RCAN2: variants seen among roughly 807,000 people sequenced by gnomAD.
RCAN2 encodes calcipressin-2.
In RCAN2, 9 loss-of-function variants were observed where a neutral mutation model predicts 23.6. That is an observed-to-expected ratio of 0.38 (90% CI 0.23 to 0.67). RCAN2 has a LOEUF of 0.67. Ranked by LOEUF, RCAN2 falls within the 30% of genes least tolerant of loss-of-function variation. RCAN2 has a pLI of 0.51. For synonymous variants in RCAN2, 109 were observed against 115.7 expected (o/e 0.94, Z 0.37); for missense variants, 273 against 302.3 (o/e 0.90, Z 0.72).
chr6:46,443,713 G>T lies in RCAN2; in HGVS notation c.225+13039C>A, dbSNP rs181100523. Among the ~76,000 whole-genome samples the T allele has an allele frequency of 1.4e-4, 21 of 152,230 alleles. No homozygotes were observed. In the East Asian group the frequency reaches 3.7e-3, roughly 27 times the overall value. Reference sequence around the variant, plus strand: ...ATGAACGTCAAATCTTAACTACAAGGGTGATTTGGATTCAGTGCATTTACA... The same window carrying T: ...ATGAACGTCAAATCTTAACTACAAGTGTGATTTGGATTCAGTGCATTTACA... On this transcript the variant is annotated intron_variant, in intron 2 of 4. Transcript: ENST00000371374.
At chr6:46,456,310 T>A (rs924468184) in intron 2 of RCAN2, among the ~76,000 whole-genome samples, 1 of 152,108 alleles carries the variant, frequency 6.6e-6, no homozygotes, top group Non-Finnish European at 1.5e-5. Flanking sequence ...TGGCTCACAG[T>A]TTAAGAAGGC....
In RCAN2 at chr6:46,360,854, A is replaced by G. The variant is rs62402366; in HGVS notation, c.225+95898T>C. ...TTGTTGATAATGGAGAGAAGGGTGA[A>G]CTCTTAAATGCAGTTCTAATGTATG... On this transcript the variant is annotated intron_variant, in intron 2 of 4. Transcript: ENST00000371374. 5.8e-3 allele frequency among the ~76,000 whole-genome samples: 880 copies of G among 152,216 alleles called. 4 individuals carry two copies. Among genetic ancestry groups the G allele is most frequent in the Non-Finnish European group, 0.01 (685 of 68,014 alleles).
intron 1 of RCAN2, among the ~76,000 whole-genome samples, chr6:46,477,815 C>G (rs1768756329): frequency 6.6e-6 from 1 of 152,112 alleles, no homozygotes; most frequent in South Asian, 2.1e-4. Flanking sequence ...CCCTGGCAGA[C>G]AGTATAATTA....
At chr6:46,244,579 G>T (rs1766444864) in intron 4 of RCAN2, among the ~76,000 whole-genome samples, 1 of 152,252 alleles carries the variant, frequency 6.6e-6, no homozygotes, top group East Asian at 1.9e-4. Flanking sequence ...TTTACTGGAT[G>T]ATCAGCTCCA....
chr6:46,490,778 A>C (rs60932290), intron 1 of RCAN2, among the ~76,000 whole-genome samples: 122,053 of 151,414 alleles, frequency 0.81, 49,273 homozygotes, highest in South Asian at 0.91. Flanking sequence ...TCTCTTCTAG[A>C]CCCTCTCTAA....
intron 2 of RCAN2, among the ~76,000 whole-genome samples, chr6:46,358,497 GA>G (rs1470015218): frequency 2.6e-5 from 4 of 152,116 alleles, no homozygotes; most frequent in Non-Finnish European, 5.9e-5. Flanking sequence ...GGAGGAGGGG[GA>G]ACATCAGCAG....
intron 1 of RCAN2, among the ~76,000 whole-genome samples, chr6:46,463,062 T>C (rs1248091463): frequency 6.6e-6 from 1 of 152,132 alleles, no homozygotes; most frequent in East Asian, 1.9e-4. Flanking sequence ...GTAAAATCAG[T>C]CAGTAGCGTG....
intron 1 of RCAN2, among the ~76,000 whole-genome samples, chr6:46,462,627 AT>A (rs11347980): frequency 0.061 from 9,228 of 152,264 alleles, 426 homozygotes; most frequent in African/African-American, 0.12. Flanking sequence ...AAGTGAAAAA[AT>A]TTCTTTTCCC....
intron 4 of RCAN2, among the ~76,000 whole-genome samples, chr6:46,223,580 C>A (rs980950162): frequency 6.6e-6 from 1 of 152,228 alleles, no homozygotes; most frequent in African/African-American, 2.4e-5. Flanking sequence ...TACTTCCACT[C>A]TGTAGGATGG....
chr6:46,387,653 T>C (rs1765796644), intron 2 of RCAN2, among the ~76,000 whole-genome samples: 1 of 152,204 alleles, frequency 6.6e-6, no homozygotes, highest in Non-Finnish European at 1.5e-5. Flanking sequence ...ACACTGTTGA[T>C]GGGACTGTAA....
At chr6:46,473,852 A>C (rs1252399982) in intron 1 of RCAN2, among the ~76,000 whole-genome samples, 1 of 152,218 alleles carries the variant, frequency 6.6e-6, no homozygotes, top group Non-Finnish European at 1.5e-5. Flanking sequence ...ATGAGGGTAC[A>C]TTTATAAAAC....
chr6:46,279,648 C>T (rs1259595974), intron 2 of RCAN2, among the ~76,000 whole-genome samples: 2 of 152,152 alleles, frequency 1.3e-5, no homozygotes, highest in African/African-American at 2.4e-5. Context: ...TCAGTTGAAT[C>T]GGGGGAAGTA....
chr6:46,318,442 A>G (rs907948384), intron 2 of RCAN2, among the ~76,000 whole-genome samples: 2 of 152,212 alleles, frequency 1.3e-5, no homozygotes, highest in African/African-American at 4.8e-5. Flanking sequence ...GGAAAGAATA[A>G]CTGTTGTAGT....
chr6:46,278,837 T>G (rs1434234204), intron 2 of RCAN2, among the ~76,000 whole-genome samples: 1 of 152,194 alleles, frequency 6.6e-6, no homozygotes, highest in African/African-American at 2.4e-5. Context: ...TAAAATTCCA[T>G]GTACTGGATG....
At chr6:46,365,498 G>GAAAAGA (rs918860985) in intron 2 of RCAN2, among the ~76,000 whole-genome samples, 317 of 147,290 alleles carry the variant, frequency 2.2e-3, no homozygotes, top group African/African-American at 7.5e-3. Context: ...GAAAAGAAAA[G>GAAAAGA]AAAAGAAAAA....
chr6:46,458,885 A>ACG (rs57258359), intron 1 of RCAN2, among the ~76,000 whole-genome samples: 58,598 of 148,076 alleles, frequency 0.4, 13,075 homozygotes, highest in East Asian at 0.59. Flanking sequence ...TTACAGGAAA[A>ACG]CGCGCGCGCA....
intron 2 of RCAN2, among the ~76,000 whole-genome samples, chr6:46,398,200 G>A (rs929271483): frequency 2.0e-5 from 3 of 152,154 alleles, no homozygotes; most frequent in African/African-American, 7.2e-5. Context: ...ATATTTAAAT[G>A]TTAATGGTGA....
At chr6:46,342,719 C>T (rs974704721) in intron 2 of RCAN2, among the ~76,000 whole-genome samples, 1 of 151,532 alleles carries the variant, frequency 6.6e-6, no homozygotes, top group African/African-American at 2.4e-5. Context: ...TTGCTTTCAT[C>T]CTTGGTGTAG....
intron 1 of RCAN2, among the ~76,000 whole-genome samples, chr6:46,487,958 G>A (rs372815569): frequency 1.3e-5 from 2 of 152,152 alleles, no homozygotes; most frequent in African/African-American, 4.8e-5. Context: ...GCATCTAACC[G>A]ACCTCTTGTT....
Sources: gnomAD v4.1 joint callset for allele counts (sites outside exome capture counted in the v4.1 genomes callset) on GRCh38, gnomAD v4.1.1 for gene constraint, MANE v1.5 for transcripts, NCBI Gene and HGNC (gene_info 2026-07-23, HGNC 2026-07-21) for gene names.